MSRA: variants seen among roughly 807,000 people sequenced by gnomAD.
The protein encoded by MSRA is mitochondrial peptide methionine sulfoxide reductase.
Under a neutral mutation model 31.3 loss-of-function variants are expected in MSRA, and 54 were observed. That is an observed-to-expected ratio of 1.73 (90% CI 1.39 to 2.17). The LOEUF (loss-of-function observed/expected upper bound fraction) is 2.17. MSRA is among the 30% of genes most tolerant of loss of function. The pLI is 0.00. For synonymous variants in MSRA, 169 were observed against 116.5 expected, an observed-to-expected ratio of 1.45 and a Z score of -2.90; for missense variants, 507 against 300.9, an observed-to-expected ratio of 1.69 and a Z score of -5.07.
intron 3 of MSRA, among the ~76,000 whole-genome samples, chr8:10,262,412 A>T (rs142096410): frequency 6.6e-6 from 1 of 152,182 alleles, no homozygotes; most frequent in Non-Finnish European, 1.5e-5. Context: ...GATTTTGGCA[A>T]TTCTGATAGG....
intron 1 of MSRA, among the ~76,000 whole-genome samples, chr8:10,164,229 T>C (rs767675135): frequency 1.3e-5 from 2 of 152,262 alleles, no homozygotes; most frequent in African/African-American, 4.8e-5. Context: ...ATTCACAGTT[T>C]AATGTTATCC....
intron 1 of MSRA, chr8:10,095,844 T>C (rs1214677123): frequency 3.7e-5 from 47 of 1,258,026 alleles, no homozygotes; most frequent in Non-Finnish European, 4.6e-5. Flanking sequence ...GCTTCCATAG[T>C]GTCCATGCAT....
At chr8:10,306,797 C>G (rs1184192725) in intron 4 of MSRA, among the ~76,000 whole-genome samples, 6 of 152,172 alleles carry the variant, frequency 3.9e-5, no homozygotes, top group Admixed American at 3.3e-4. Context: ...ACAGGTACAC[C>G]AGGCAGAGGG....
intron 3 of MSRA, among the ~76,000 whole-genome samples, chr8:10,294,690 C>T (rs1395646478): frequency 6.6e-6 from 1 of 152,132 alleles, no homozygotes; most frequent in Admixed American, 6.5e-5. Flanking sequence ...GTGTCACCGA[C>T]CTCCTTGCAC....
chr8:10,157,627 C>G (rs1804266108), intron 1 of MSRA, among the ~76,000 whole-genome samples: 1 of 151,790 alleles, frequency 6.6e-6, no homozygotes, highest in African/African-American at 2.4e-5. Flanking sequence ...TTTTTACACT[C>G]TAAAATAATA....
intron 3 of MSRA, among the ~76,000 whole-genome samples, chr8:10,267,911 T>G (rs1463443395): frequency 6.6e-6 from 1 of 152,154 alleles, no homozygotes; most frequent in Non-Finnish European, 1.5e-5. Flanking sequence ...TGGCTTTACC[T>G]TCTCTAGGGA....
chr8:10,366,822 G>A (rs1805194427), intron 5 of MSRA, among the ~76,000 whole-genome samples: 1 of 152,146 alleles, frequency 6.6e-6, no homozygotes, highest in Non-Finnish European at 1.5e-5. Flanking sequence ...TTGCTGAGAT[G>A]ACGTAGGACT....
chr8:10,227,875 C>T (rs1361550110), intron 2 of MSRA, among the ~76,000 whole-genome samples: 1 of 152,126 alleles, frequency 6.6e-6, no homozygotes, highest in Non-Finnish European at 1.5e-5. Context: ...AGGAAGGTGT[C>T]TTGTTGCATT....
chr8:10,221,524 GCTACTA>G (rs1340457020), intron 2 of MSRA, among the ~76,000 whole-genome samples: 1 of 151,962 alleles, frequency 6.6e-6, no homozygotes, highest in Non-Finnish European at 1.5e-5. Flanking sequence ...CCAGGGTCAG[GCTACTA>G]GTTAATGGCA....
At chr8:10,147,112 C>T (rs139712503) in intron 1 of MSRA, among the ~76,000 whole-genome samples, 2,230 of 152,182 alleles carry the variant, frequency 0.015, 19 homozygotes, top group Non-Finnish European at 0.021. Flanking sequence ...ACACAGAGAG[C>T]AGAATGTCAG....
chr8:10,161,642 A>T (rs575308201), intron 1 of MSRA, among the ~76,000 whole-genome samples: 96 of 152,298 alleles, frequency 6.3e-4, no homozygotes, highest in African/African-American at 2.2e-3. Context: ...GAAGAGGCGG[A>T]TGAAGTGAGA....
chr8:10,225,007 G>T (rs753733823), intron 2 of MSRA, among the ~76,000 whole-genome samples: 20 of 152,092 alleles, frequency 1.3e-4, no homozygotes, highest in African/African-American at 4.6e-4. Flanking sequence ...CCGTGGTGGC[G>T]CATGCCTGTA....
chr8:10,424,037 A>T (rs1419133472), intron 5 of MSRA, among the ~76,000 whole-genome samples: 4 of 152,260 alleles, frequency 2.6e-5, no homozygotes, highest in Non-Finnish European at 5.9e-5. Flanking sequence ...ATGCAGCGTC[A>T]TCAGCGCTGT....
chr8:10,216,633 G>C (rs1810017442), intron 2 of MSRA, among the ~76,000 whole-genome samples: 1 of 152,104 alleles, frequency 6.6e-6, no homozygotes, highest in African/African-American at 2.4e-5. Flanking sequence ...GTCTAAATTT[G>C]ACTACTCTAG....
chr8:10,105,431 C>G (rs1198831428), intron 1 of MSRA, among the ~76,000 whole-genome samples: 2 of 152,152 alleles, frequency 1.3e-5, no homozygotes, highest in Non-Finnish European at 2.9e-5. Context: ...TCCATGTAAA[C>G]TTTTGGTCAA....
chr8:10,314,851 A>G (rs2129134273), intron 4 of MSRA, among the ~76,000 whole-genome samples: 1 of 152,340 alleles, frequency 6.6e-6, no homozygotes, highest in Non-Finnish European at 1.5e-5. Context: ...TGAAAGATTC[A>G]AACTGTAGTA....
chr8:10,365,392 G>A (rs1397132104), intron 5 of MSRA, among the ~76,000 whole-genome samples: 1 of 151,838 alleles, frequency 6.6e-6, no homozygotes, highest in African/African-American at 2.4e-5. Flanking sequence ...TCCAAAGTCA[G>A]AATTTACATT....
intron 1 of MSRA, among the ~76,000 whole-genome samples, chr8:10,177,708 G>A (rs1396577923): frequency 6.6e-6 from 1 of 152,122 alleles, no homozygotes; most frequent in Non-Finnish European, 1.5e-5. Context: ...TTATTTGTTG[G>A]CGTTTTATTT....
intron 1 of MSRA, among the ~76,000 whole-genome samples, chr8:10,182,124 G>A (rs1251542285): frequency 6.6e-6 from 1 of 152,162 alleles, no homozygotes; most frequent in African/African-American, 2.4e-5. Flanking sequence ...AGACAGGGAG[G>A]TGATTGAAAG....
Sources: allele counts gnomAD v4.1 joint callset (sites outside exome capture counted in the v4.1 genomes callset), GRCh38; gene constraint gnomAD v4.1.1; transcripts MANE v1.5; gene names NCBI Gene and HGNC (gene_info 2026-07-23, HGNC 2026-07-21).